Variants in DSCAM observed in about 807,000 individuals in gnomAD.
DSCAM encodes the protein cell adhesion molecule DSCAM.
Under a neutral mutation model 217.7 loss-of-function variants are expected in DSCAM, and 47 were observed. That is an observed-to-expected ratio of 0.22 (90% CI 0.17 to 0.28). The LOEUF (loss-of-function observed/expected upper bound fraction) is 0.28. Among genes scored for constraint, DSCAM ranks in the 10% least tolerant of loss-of-function variants. The probability of loss-of-function intolerance (pLI) is 1.00; values close to 1 mark genes in which losing one functional copy is unlikely to be tolerated. For missense variants in DSCAM, 2,080 were observed against 2,618.3 expected (o/e 0.79, Z 4.49); for synonymous variants, 1,056 against 1,015.3 (o/e 1.04, Z -0.76).
chr21:40,563,591 T>TATA (rs369668523), intron 3 of DSCAM, among the ~76,000 whole-genome samples: 64,432 of 116,864 alleles, frequency 0.55, 15,446 homozygotes, highest in Admixed American at 0.61. Flanking sequence ...GTTTATATGT[T>TATA]TATATGTTAT....
intron 3 of DSCAM, among the ~76,000 whole-genome samples, chr21:40,677,285 C>T (rs2090351024): frequency 6.6e-6 from 1 of 151,854 alleles, no homozygotes; most frequent in African/African-American, 2.4e-5. Flanking sequence ...AAGAGTGTGG[C>T]TGAAGGTTTC....
At position 40,511,818 on chromosome 21, in the gene DSCAM, C is replaced by T. The variant is rs146888087; in HGVS notation, c.509-142573G>A. Among the ~76,000 whole-genome samples the T allele has an allele frequency of 1.3e-3, 200 of 151,592 alleles. 3 individuals are homozygous for T. The East Asian group carries it at 0.032, about 25-fold the overall frequency. On this transcript the variant is annotated intron_variant, in intron 3 of 32. Coordinates refer to ENST00000400454, the MANE Select transcript of DSCAM (RefSeq NM_001389.5). The stretch of plus-strand genomic sequence containing the variant: ...CATTCTGGCTAACCCAGTGAAACCC[C>T]GTCTCTATTAAAAATACAAAAAATT...
intron 1 of DSCAM, among the ~76,000 whole-genome samples, chr21:40,746,679 C>T (rs1249801488): frequency 6.6e-6 from 1 of 151,814 alleles, no homozygotes; most frequent in Admixed American, 6.6e-5. Flanking sequence ...AGAAAACCAA[C>T]AAAGAGACGT....
intron 3 of DSCAM, among the ~76,000 whole-genome samples, chr21:40,572,635 A>G (rs1178373981): frequency 1.3e-5 from 2 of 152,206 alleles, no homozygotes; most frequent in Non-Finnish European, 2.9e-5. Flanking sequence ...ACAATTCAAG[A>G]CAAATAGTAA....
intron 1 of DSCAM, among the ~76,000 whole-genome samples, chr21:40,806,552 A>G (rs1569045657): frequency 6.6e-6 from 1 of 152,228 alleles, no homozygotes; most frequent in Non-Finnish European, 1.5e-5. Context: ...TCCACCCTTC[A>G]TTTTGACAAT....
intron 3 of DSCAM, among the ~76,000 whole-genome samples, chr21:40,414,021 T>C (rs1314136266): frequency 6.6e-6 from 1 of 152,212 alleles, no homozygotes; most frequent in Non-Finnish European, 1.5e-5. Context: ...AACTGTAATA[T>C]TTCTGGAAGA....
chr21:40,530,752 TCCACCACCCAC>T (rs2076437366), intron 3 of DSCAM, among the ~76,000 whole-genome samples: 6 of 152,240 alleles, frequency 3.9e-5, no homozygotes, highest in Non-Finnish European at 7.4e-5. Flanking sequence ...AGCCACAGTT[TCCACCACCCAC>T]CCCATCGCTC....
At chr21:40,459,310 AT>A (rs2075787964) in intron 3 of DSCAM, among the ~76,000 whole-genome samples, 1 of 152,002 alleles carries the variant, frequency 6.6e-6, no homozygotes, top group Non-Finnish European at 1.5e-5. Context: ...AGAACATACC[AT>A]TCGATAAGAG....
At chr21:40,458,917 T>G (rs1487509440) in intron 3 of DSCAM, among the ~76,000 whole-genome samples, 1 of 152,024 alleles carries the variant, frequency 6.6e-6, no homozygotes, top group Non-Finnish European at 1.5e-5. Flanking sequence ...AAACGGTGAC[T>G]GGAGAACATA....
At chr21:40,408,283 G>A (rs1401380438) in intron 3 of DSCAM, among the ~76,000 whole-genome samples, 2 of 152,048 alleles carry the variant, frequency 1.3e-5, no homozygotes, top group African/African-American at 2.4e-5. Flanking sequence ...AAGTTGGAAG[G>A]TCTGTGATAG....
intron 18 of DSCAM, among the ~76,000 whole-genome samples, chr21:40,141,973 A>AAAACACACACAC (rs2090296015): frequency 1.8e-5 from 1 of 56,994 alleles, no homozygotes; most frequent in Admixed American, 1.9e-4. Context: ...TACCACTTGA[A>AAAACACACACAC]ATACACACAC....
intron 3 of DSCAM, among the ~76,000 whole-genome samples, chr21:40,493,625 G>A (rs2076093454): frequency 6.6e-6 from 1 of 151,984 alleles, no homozygotes; most frequent in African/African-American, 2.4e-5. Flanking sequence ...ACTTTAGGAG[G>A]CCGAGGCAGG....
At chr21:40,428,971 CA>C (rs1268587135) in intron 3 of DSCAM, among the ~76,000 whole-genome samples, 1 of 152,100 alleles carries the variant, frequency 6.6e-6, no homozygotes, top group African/African-American at 2.4e-5. Flanking sequence ...CCCCTTGCAG[CA>C]TGGCACTTTT....
At chr21:40,140,590 C>A (rs2090277784) in intron 18 of DSCAM, among the ~76,000 whole-genome samples, 1 of 152,028 alleles carries the variant, frequency 6.6e-6, no homozygotes, top group Non-Finnish European at 1.5e-5. Flanking sequence ...TTCATCCACT[C>A]AATATAAGGA....
intron 28 of DSCAM, among the ~76,000 whole-genome samples, chr21:40,061,007 C>T (rs983154353): frequency 1.3e-5 from 2 of 152,188 alleles, no homozygotes; most frequent in Admixed American, 6.5e-5. Context: ...TGATGAAGTA[C>T]CCCTTATGAA....
At chr21:40,522,984 G>C (rs1289559051) in intron 3 of DSCAM, among the ~76,000 whole-genome samples, 1 of 152,144 alleles carries the variant, frequency 6.6e-6, no homozygotes, top group Non-Finnish European at 1.5e-5. Flanking sequence ...ATAGTGCAAA[G>C]AGCTCTTCAC....
intron 3 of DSCAM, among the ~76,000 whole-genome samples, chr21:40,613,862 G>A (rs373974283): frequency 2.6e-5 from 4 of 151,814 alleles, no homozygotes; most frequent in African/African-American, 9.7e-5. Context: ...CCCATTTGCT[G>A]ATTGCTTGTC....
chr21:40,813,242 C>CCA lies in DSCAM; in HGVS notation c.43+33375_43+33376dup, dbSNP rs1233108477. Among the ~76,000 whole-genome samples, 12 of 152,276 alleles carry CCA rather than the reference C, an allele frequency of 7.9e-5. No individual in the cohort carries two copies. The South Asian group carries it at 2.3e-3, about 29-fold the overall frequency. On this transcript the variant is annotated intron_variant, in intron 1 of 32. Coordinates refer to ENST00000400454, the MANE Select transcript of DSCAM (RefSeq NM_001389.5). The stretch of plus-strand genomic sequence containing the variant: ...AGGGAAGAGTTGATTGGATTTGAAC[C>CCA]CACATCTCTCTGACCTAAAAACCAT...
chr21:40,745,432 T>A (rs989593972), intron 1 of DSCAM, among the ~76,000 whole-genome samples: 1 of 152,178 alleles, frequency 6.6e-6, no homozygotes, highest in Non-Finnish European at 1.5e-5. Context: ...CACATTCACC[T>A]GAGCCCCAGT....
Sources: allele counts gnomAD v4.1 joint callset (sites outside exome capture counted in the v4.1 genomes callset), GRCh38; gene constraint gnomAD v4.1.1; transcripts MANE v1.5; gene names NCBI Gene and HGNC (gene_info 2026-07-23, HGNC 2026-07-21).